TGFB2: variants seen among roughly 807,000 people sequenced by gnomAD.
The protein encoded by TGFB2 is transforming growth factor beta-2 proprotein.
A neutral mutation model predicts 42.7 loss-of-function variants in TGFB2; 13 were observed. That is an observed-to-expected ratio of 0.30 (90% CI 0.20 to 0.48). The LOEUF (loss-of-function observed/expected upper bound fraction) is 0.48, where lower values mean the gene tolerates loss of function less well. TGFB2 is among the 20% of genes least tolerant of loss of function. The pLI, the probability that TGFB2 is intolerant of heterozygous loss-of-function variation, is 0.99. For missense variants in TGFB2, 390 were observed against 517.5 expected, an observed-to-expected ratio of 0.75 and a Z score of 2.39; for synonymous variants, 193 against 193.6, an observed-to-expected ratio of 1.00 and a Z score of 0.03.
At chr1:218,417,588 TGAG>T (rs1366566057) in intron 2 of TGFB2, among the ~76,000 whole-genome samples, 2 of 152,202 alleles carry the variant, frequency 1.3e-5, no homozygotes, top group African/African-American at 4.8e-5. Flanking sequence ...GCTTAAGTAA[TGAG>T]GAGCCAAATG....
At chr1:218,425,283 C>T (rs150437766) in intron 2 of TGFB2, among the ~76,000 whole-genome samples, 7 of 152,248 alleles carry the variant, frequency 4.6e-5, no homozygotes, top group African/African-American at 1.7e-4. Flanking sequence ...TCTCGGCTCA[C>T]CACAAGCTCC....
chr1:218,444,030 G>A lies in TGFB2; in HGVS notation c.*2668G>A, dbSNP rs1034742268. On this transcript the variant is annotated 3_prime_UTR_variant, in exon 7 of 7. Transcript: ENST00000366930. Reference sequence around the variant, plus strand: ...TCTTTTTCCTATCAGTACCATCATCGAGTCTAGAAAACACCTGTGATGCAA... The same window carrying A: ...TCTTTTTCCTATCAGTACCATCATCAAGTCTAGAAAACACCTGTGATGCAA... 3.3e-5 allele frequency: 5 copies of A among 151,930 alleles called. No homozygotes were observed. The highest frequency in any genetic ancestry group is 1.3e-4 in the Admixed American group (2 of 15,248). 9.4% of individuals were successfully genotyped at this position (151,930 alleles called of 1,614,324 possible). A position where few individuals can be genotyped will look rare whatever the true frequency, so the allele number is the denominator to read the frequency against.
chr1:218,434,984 A>G (rs1487104179), intron 4 of TGFB2, among the ~76,000 whole-genome samples: 1 of 152,228 alleles, frequency 6.6e-6, no homozygotes, highest in African/African-American at 2.4e-5. Context: ...TTATAAACAC[A>G]TAAAAATGTT....
At chr1:218,399,948 A>G (rs1361449416) in intron 1 of TGFB2, among the ~76,000 whole-genome samples, 1 of 152,102 alleles carries the variant, frequency 6.6e-6, no homozygotes. Context: ...TCCTGACAAT[A>G]TGACCCAATA....
rs148886162 is a variant in TGFB2 at position 218,423,930 on chromosome 1, G to A, written c.511-10152G>A. 1.9e-3 allele frequency among the ~76,000 whole-genome samples: 288 copies of A among 152,274 alleles called. 1 individual carries two copies. Among genetic ancestry groups the A allele is most frequent in the South Asian group, 0.012 (59 of 4,820 alleles). ...TATAGATCCAGTAAGCCATAGTTTA[G>A]GCTTGTCTGACTCCAAAGCCTCTGC... On this transcript the variant is annotated intron_variant, in intron 2 of 6. Coordinates refer to ENST00000366930, the MANE Select transcript of TGFB2 (RefSeq NM_003238.6).
At chr1:218,437,869 A>G (rs992920701) in intron 6 of TGFB2, among the ~76,000 whole-genome samples, 2 of 152,014 alleles carry the variant, frequency 1.3e-5, no homozygotes, top group African/African-American at 4.8e-5. Context: ...ACATAATTGC[A>G]TATATTAATG....
chr1:218,347,164 G>T, intron 1 of TGFB2, 117 bp downstream of exon 1: 2 of 897,772 alleles, frequency 2.2e-6, no homozygotes, highest in Non-Finnish European at 3.4e-6. Context: ...CTCTTTTCCC[G>T]TTCTCCTGTC....
At chr1:218,370,382 A>T (rs1657532483) in intron 1 of TGFB2, among the ~76,000 whole-genome samples, 1 of 152,220 alleles carries the variant, frequency 6.6e-6, no homozygotes, top group East Asian at 1.9e-4. Context: ...TTAATGAGTC[A>T]TGAAACACCA....
Position 218,437,455 on chromosome 1 carries a change from G to T in TGFB2, c.1045G>T (p.Ala349Ser). The change falls in exon 6 of 7, where the codon GCA becomes TCA. Residue 349 changes from alanine (A) to serine (S), a missense_variant. Ala to Ser is a moderately conservative substitution (Grantham distance 99). Coordinates refer to ENST00000366930, the MANE Select transcript of TGFB2 (RefSeq NM_003238.6). ...GTACAATGCCAACTTCTGTGCTGGAGCATGCCCGTATTTATGGAGTTCAGA... is the reference window on the plus strand; with the variant it reads ...GTACAATGCCAACTTCTGTGCTGGATCATGCCCGTATTTATGGAGTTCAGA... ...KGYNANFCAG[A>S]CPYLWSSDTQ... is the part of the protein sequence containing the mutation. 6.2e-7 allele frequency: 1 copy of T among 1,613,556 alleles called. No homozygotes were observed. The highest frequency in any genetic ancestry group is 8.5e-7 in the Non-Finnish European group (1 of 1,179,820).
At chr1:218,381,107 A>G (rs1657944218) in intron 1 of TGFB2, among the ~76,000 whole-genome samples, 1 of 152,176 alleles carries the variant, frequency 6.6e-6, no homozygotes, top group Non-Finnish European at 1.5e-5. Context: ...CCAACAAGTC[A>G]AGGCACTTAC....
intron 1 of TGFB2, among the ~76,000 whole-genome samples, chr1:218,381,401 A>G (rs992638738): frequency 6.6e-6 from 1 of 151,872 alleles, no homozygotes; most frequent in African/African-American, 2.4e-5. Flanking sequence ...GACTACAGGC[A>G]ACCGCCACCA....
At chr1:218,366,908 C>G (rs992150571) in intron 1 of TGFB2, among the ~76,000 whole-genome samples, 4 of 152,236 alleles carry the variant, frequency 2.6e-5, no homozygotes, top group African/African-American at 7.2e-5. Context: ...GACCCTGAAC[C>G]TACAGCCCCT....
intron 2 of TGFB2, among the ~76,000 whole-genome samples, chr1:218,411,262 G>T (rs997614131): frequency 2.6e-5 from 4 of 152,144 alleles, no homozygotes; most frequent in Non-Finnish European, 5.9e-5. Context: ...TAATCATTTT[G>T]TTATACTTCA....
At chr1:218,436,451 T>C (rs1001338674) in intron 5 of TGFB2, among the ~76,000 whole-genome samples, 56 of 152,110 alleles carry the variant, frequency 3.7e-4, no homozygotes, top group African/African-American at 1.3e-3. Context: ...AATAAAAGCT[T>C]ATTTGAGGTG....
intron 1 of TGFB2, among the ~76,000 whole-genome samples, chr1:218,379,517 G>A (rs527593833): frequency 8.0e-6 from 1 of 124,502 alleles, no homozygotes; most frequent in Non-Finnish European, 1.7e-5. Context: ...TGCGAGCCTG[G>A]AACATCTTTT....
intron 1 of TGFB2, among the ~76,000 whole-genome samples, chr1:218,402,559 A>G (rs1403285310): frequency 1.3e-5 from 2 of 152,212 alleles, no homozygotes; most frequent in Non-Finnish European, 2.9e-5. Flanking sequence ...AAATGGTCCA[A>G]AGTTTAATAA....
chr1:218,356,339 C>T (rs1336895741), intron 1 of TGFB2, among the ~76,000 whole-genome samples: 1 of 151,872 alleles, frequency 6.6e-6, no homozygotes, highest in Non-Finnish European at 1.5e-5. Flanking sequence ...GCCTCAGCCT[C>T]TACAATAGTT....
chr1:218,408,515 T>C (rs946737977), intron 2 of TGFB2, among the ~76,000 whole-genome samples: 4 of 152,106 alleles, frequency 2.6e-5, no homozygotes, highest in South Asian at 4.1e-4. Flanking sequence ...AAATATAAAA[T>C]AATAGCAATT....
intron 6 of TGFB2, among the ~76,000 whole-genome samples, chr1:218,439,012 G>A (rs898839526): frequency 3.3e-5 from 5 of 151,612 alleles, no homozygotes; most frequent in African/African-American, 1.2e-4. Context: ...GGGAGGTTGA[G>A]GCAGAGAATC....
Sources: allele counts gnomAD v4.1 joint callset (sites outside exome capture counted in the v4.1 genomes callset), GRCh38; gene constraint gnomAD v4.1.1; transcripts MANE v1.5; gene names NCBI Gene and HGNC (gene_info 2026-07-23, HGNC 2026-07-21).